CYTH3: variants seen among roughly 807,000 people sequenced by gnomAD.
CYTH3 encodes the protein cytohesin 3.
CYTH3 carries 23 observed loss-of-function variants against 55.1 expected under a neutral mutation model. The observed-to-expected ratio is 0.42, with a 90% CI of 0.30 to 0.59. CYTH3 has a LOEUF of 0.59. CYTH3 is among the 20% of genes least tolerant of loss of function. The pLI is 0.20. For synonymous variants in CYTH3, 249 were observed against 194.9 expected (o/e 1.28, Z -2.31); for missense variants, 413 against 524.8 (o/e 0.79, Z 2.08).
At chr7:6,216,859 A>AG (rs1421267640) in intron 1 of CYTH3, among the ~76,000 whole-genome samples, 1 of 144,790 alleles carries the variant, frequency 6.9e-6, no homozygotes, top group Non-Finnish European at 1.5e-5. Flanking sequence ...AAAGCTGAAC[A>AG]GGAAAAAAAA....
chr7:6,220,574 C>CAAAAAAAA (rs1191450197), intron 1 of CYTH3, among the ~76,000 whole-genome samples: 2 of 62,064 alleles, frequency 3.2e-5, no homozygotes, highest in African/African-American at 1.1e-4. Flanking sequence ...CATCCTGTCT[C>CAAAAAAAA]AAAAAAAAAA....
At chr7:6,235,246 C>T (rs1282730422) in intron 1 of CYTH3, among the ~76,000 whole-genome samples, 3 of 152,132 alleles carry the variant, frequency 2.0e-5, no homozygotes, top group Non-Finnish European at 4.4e-5. Flanking sequence ...GATGCCAAGG[C>T]GAGCACATCA....
At chr7:6,217,534 C>A (rs1056616885) in intron 1 of CYTH3, among the ~76,000 whole-genome samples, 4 of 152,110 alleles carry the variant, frequency 2.6e-5, no homozygotes, top group Non-Finnish European at 5.9e-5. Flanking sequence ...TGTATATGCA[C>A]CAAACAAAGC....
At chr7:6,263,925 A>G (rs775772564) in intron 1 of CYTH3, among the ~76,000 whole-genome samples, 2 of 152,298 alleles carry the variant, frequency 1.3e-5, no homozygotes, top group African/African-American at 2.4e-5. Flanking sequence ...GATTACATAC[A>G]GTGTGATCTC....
intron 4 of CYTH3, among the ~76,000 whole-genome samples, chr7:6,185,522 C>T (rs907099904): frequency 1.3e-5 from 2 of 152,048 alleles, no homozygotes; most frequent in African/African-American, 2.4e-5. Context: ...CAGTGAAACC[C>T]CGTCTCTACT....
Position 6,187,707 on chromosome 7 carries a change from T to G in CYTH3, c.132A>C (p.Glu44Asp), listed in dbSNP as rs1421072467. The G allele has an allele frequency of 1.2e-6, 2 of 1,613,980 alleles. No homozygotes were observed. The highest frequency in any genetic ancestry group is 1.7e-6 in the Non-Finnish European group (2 of 1,179,976). The change falls in exon 3 of 13, where the codon GAA becomes GAC. Residue 44 changes from glutamate (E) to aspartate (D), a missense_variant. Glu to Asp is a conservative substitution (Grantham distance 45). This residue lies in a region of CYTH3 where 152 missense variants were observed against 148.1 expected (regional missense o/e 1.03). Coordinates refer to ENST00000350796, the MANE Select transcript of CYTH3 (RefSeq NM_004227.4). ...CGATCTCTGTCATCACCTCTGCAAT[T>G]TCATATTTCAGCCTCTGTCAAAAAA... ...LIDDIERLKY[E>D]IAEVMTEIDN... is the part of the protein sequence containing the mutation.
Position 6,198,088 on chromosome 7 carries a change from T to G in CYTH3, c.35-7557A>C, listed in dbSNP as rs1783977011. Among the ~76,000 whole-genome samples the G allele has an allele frequency of 3.3e-5, 4 of 122,476 alleles. No homozygotes were observed. The South Asian group carries it at 1.3e-3, about 41-fold the overall frequency. 80.3% of individuals were successfully genotyped at this position (122,476 alleles called of 152,430 possible). ...CAACCTGAGTAACAGAGTGAGACAC[T>G]CTTAAGAAAAAAAAAAAAAAAAGGA... On this transcript the variant is annotated intron_variant, in intron 1 of 12. Transcript: ENST00000350796.
intron 1 of CYTH3, among the ~76,000 whole-genome samples, chr7:6,224,250 A>G (rs1029442482): frequency 1.3e-5 from 2 of 151,796 alleles, no homozygotes; most frequent in Admixed American, 1.3e-4. Flanking sequence ...CAGTAGGTAT[A>G]CATGGAATAT....
At chr7:6,249,980 C>G (rs1381686727) in intron 1 of CYTH3, among the ~76,000 whole-genome samples, 3 of 152,188 alleles carry the variant, frequency 2.0e-5, no homozygotes, top group Non-Finnish European at 4.4e-5. Context: ...CTTACAAATG[C>G]AAGACTGTAC....
intron 1 of CYTH3, among the ~76,000 whole-genome samples, chr7:6,229,137 G>A (rs999004247): frequency 6.6e-6 from 1 of 152,146 alleles, no homozygotes; most frequent in East Asian, 1.9e-4. Flanking sequence ...AAAGTGTAGA[G>A]GACCTAAAGA....
At chr7:6,215,060 C>A (rs1784395568) in intron 1 of CYTH3, among the ~76,000 whole-genome samples, 1 of 152,026 alleles carries the variant, frequency 6.6e-6, no homozygotes, top group South Asian at 2.1e-4. Flanking sequence ...GATAGGATGC[C>A]CTCTCTTCCT....
At chr7:6,196,774 A>G (rs947879752) in intron 1 of CYTH3, among the ~76,000 whole-genome samples, 5 of 152,102 alleles carry the variant, frequency 3.3e-5, no homozygotes, top group African/African-American at 1.2e-4. Flanking sequence ...TCTTATTTCA[A>G]TATGGCAAAA....
At chr7:6,192,595 G>C (rs531981126) in intron 1 of CYTH3, among the ~76,000 whole-genome samples, 6 of 140,300 alleles carry the variant, frequency 4.3e-5, no homozygotes, top group Admixed American at 3.1e-4. Flanking sequence ...GCGGTGGCAC[G>C]ATCTCAGCTC....
chr7:6,177,973 G>A (rs1244948321), intron 4 of CYTH3, 32 bp from the exon 5 acceptor site: 24 of 1,520,650 alleles, frequency 1.6e-5, no homozygotes, highest in Non-Finnish European at 2.1e-5. Flanking sequence ...GCACTGGTTA[G>A]GAGTGTCACT....
intron 6 of CYTH3, among the ~76,000 whole-genome samples, chr7:6,172,579 G>C (rs1015153438): frequency 6.6e-6 from 1 of 152,178 alleles, no homozygotes; most frequent in African/African-American, 2.4e-5. Context: ...CGCCCATCCT[G>C]TGCCTCCATC....
At chr7:6,219,995 A>T (rs778538968) in intron 1 of CYTH3, among the ~76,000 whole-genome samples, 4 of 152,110 alleles carry the variant, frequency 2.6e-5, no homozygotes, top group African/African-American at 9.7e-5. Flanking sequence ...AACTCAGAAG[A>T]GCCCACACTC....
chr7:6,267,137 A>G (rs1780517661), intron 1 of CYTH3, among the ~76,000 whole-genome samples: 1 of 152,178 alleles, frequency 6.6e-6, no homozygotes, highest in African/African-American at 2.4e-5. Context: ...TTCACCTTCC[A>G]TTATGAGTAA....
intron 1 of CYTH3, among the ~76,000 whole-genome samples, chr7:6,192,432 G>A (rs1347241039): frequency 2.0e-5 from 3 of 151,568 alleles, no homozygotes; most frequent in Non-Finnish European, 2.9e-5. Flanking sequence ...TGTTGCCCAG[G>A]CTGGCCTTGA....
chr7:6,254,470 A>T (rs903987639), intron 1 of CYTH3, among the ~76,000 whole-genome samples: 7 of 152,228 alleles, frequency 4.6e-5, no homozygotes, highest in Admixed American at 2.0e-4. Context: ...ACTTTTTGAG[A>T]CGGAGTCTCG....
Sources: gnomAD v4.1 joint callset for allele counts (sites outside exome capture counted in the v4.1 genomes callset) on GRCh38, gnomAD v4.1.1 for gene constraint, gnomAD v4.1.1 regional missense constraint, MANE v1.5 for transcripts, NCBI Gene and HGNC (gene_info 2026-07-23, HGNC 2026-07-21) for gene names.